The following CNIH3 variants were observed in gnomAD, a reference collection of about 807,000 sequenced individuals.
CNIH3 encodes cornichon family AMPA receptor auxiliary protein 3, also known as protein cornichon homolog 3.
CNIH3 carries 14 observed loss-of-function variants against 24.1 expected under a neutral mutation model. That is an observed-to-expected ratio of 0.58 (90% CI 0.38 to 0.91). The LOEUF is 0.91. Ranked by LOEUF, CNIH3 falls within the 40% of genes least tolerant of loss-of-function variation. The pLI is 0.00. For missense variants in CNIH3, 178 were observed against 196.8 expected, an observed-to-expected ratio of 0.90 and a Z score of 0.57; for synonymous variants, 68 against 73.8, an observed-to-expected ratio of 0.92 and a Z score of 0.40.
intron 2 of CNIH3, among the ~76,000 whole-genome samples, chr1:224,545,988 G>A (rs552434757): frequency 6.6e-6 from 1 of 152,220 alleles, no homozygotes; most frequent in South Asian, 2.1e-4. Flanking sequence ...GTTTCTCTGT[G>A]TGTTTGTGTC....
chr1:224,651,908 A>T (rs1684876152), intron 1 of CNIH3, among the ~76,000 whole-genome samples: 1 of 152,148 alleles, frequency 6.6e-6, no homozygotes, highest in South Asian at 2.1e-4. Context: ...TGCTTTCCAA[A>T]GGCTTTATCA....
chr1:224,669,236 C>G (rs936761247), intron 1 of CNIH3, among the ~76,000 whole-genome samples: 1 of 152,092 alleles, frequency 6.6e-6, no homozygotes, highest in Admixed American at 6.5e-5. Context: ...GTCTTTGTTT[C>G]CTGTTAACTA....
intron 2 of CNIH3, among the ~76,000 whole-genome samples, chr1:224,535,072 C>A (rs1356629907): frequency 6.6e-6 from 1 of 152,152 alleles, no homozygotes; most frequent in Non-Finnish European, 1.5e-5. Flanking sequence ...AAGTCCTAAC[C>A]CCCAGCAACT....
At position 224,462,637 on chromosome 1, in the gene CNIH3, AT is replaced by A. The variant is rs34550181; in HGVS notation, n.203+27796del. Among the ~76,000 whole-genome samples the A allele has an allele frequency of 5.8e-3, 690 of 119,356 alleles. 6 individuals carry two copies. The highest frequency in any genetic ancestry group is 0.019 in the African/African-American group (627 of 32,264). The allele number at this position is 119,356 out of a possible 152,430, so 78.3% of individuals were successfully genotyped here. Reference sequence around the variant, plus strand: ...GTGTGAACCACTAGGTCTGGACCCAATTTTTTTTTTTTTTTTTTTTTGAGAT... The same window carrying A: ...GTGTGAACCACTAGGTCTGGACCCAATTTTTTTTTTTTTTTTTTTTGAGAT... On this transcript the variant is annotated intron_variant and non_coding_transcript_variant, in intron 1 of 5. Transcript: ENST00000471578.
At chr1:224,614,677 G>A (rs1161774431), upstream of CNIH3, among the ~76,000 whole-genome samples, 3 of 151,760 alleles carry the variant, frequency 2.0e-5, no homozygotes, top group African/African-American at 7.3e-5. Context: ...GGCCTGGAGC[G>A]GTGGCTCACG....
At chr1:224,696,107 A>G (rs1320732977) in intron 3 of CNIH3, among the ~76,000 whole-genome samples, 2 of 152,080 alleles carry the variant, frequency 1.3e-5, no homozygotes, top group African/African-American at 2.4e-5. Flanking sequence ...CCAGGCTGGA[A>G]TGGGGTGGGT....
Position 224,684,902 on chromosome 1 carries a change from A to G in CNIH3, c.198+59A>G. On this transcript the variant is annotated intron_variant, in intron 3 of 5. Transcript: ENST00000272133. This position sits in a 1 kb window ranked among gnomAD's most constrained non-coding sequence, Gnocchi z 4.2. Reference sequence around the variant, plus strand: ...ATCGCATGGTGGTGGGTGGGCACACAGTGAAAGAGGCTAGTGAGGCTCTGC... The same window carrying G: ...ATCGCATGGTGGTGGGTGGGCACACGGTGAAAGAGGCTAGTGAGGCTCTGC... The G allele has an allele frequency of 6.6e-7, 1 of 1,512,864 alleles. No homozygotes were observed. The highest frequency in any genetic ancestry group is 9.2e-7 in the Non-Finnish European group (1 of 1,087,868). 93.7% of individuals were successfully genotyped at this position (1,512,864 alleles called of 1,614,324 possible).
At chr1:224,469,781 G>A (rs1287626234) in intron 1 of CNIH3, among the ~76,000 whole-genome samples, 2 of 152,132 alleles carry the variant, frequency 1.3e-5, no homozygotes, top group Non-Finnish European at 2.9e-5. Context: ...TATTTTACCT[G>A]TGTGGTAACC....
chr1:224,722,926 C>T (rs764708782), intron 3 of CNIH3, among the ~76,000 whole-genome samples: 9 of 152,166 alleles, frequency 5.9e-5, no homozygotes, highest in African/African-American at 1.2e-4. Context: ...GTTGTGCATA[C>T]GTGCTTTTCC....
At chr1:224,665,936 T>G (rs1685580260) in intron 1 of CNIH3, among the ~76,000 whole-genome samples, 1 of 152,058 alleles carries the variant, frequency 6.6e-6, no homozygotes, top group South Asian at 2.1e-4. Context: ...ATTTAACCAG[T>G]CAGGTGACTC....
intron 1 of CNIH3, among the ~76,000 whole-genome samples, chr1:224,498,002 G>A (rs1677503275): frequency 6.6e-6 from 1 of 152,164 alleles, no homozygotes; most frequent in Non-Finnish European, 1.5e-5. Flanking sequence ...TATCTTACAG[G>A]AAGACCAGAA....
rs140495065 is a variant in CNIH3 at position 224,658,144 on chromosome 1, G to T, written c.82-22814G>T. Among the ~76,000 whole-genome samples, 883 of 152,160 alleles carry T rather than the reference G, an allele frequency of 5.8e-3. 8 individuals are homozygous for T. Among genetic ancestry groups the T allele is most frequent in the African/African-American group, 0.02 (821 of 41,504 alleles). ...CTAATAGCTAAAAAATTAGTTTGTG[G>T]TCAAAAAGACTGAATGTATGTATTT... On this transcript the variant is annotated intron_variant, in intron 1 of 5. Coordinates refer to ENST00000272133, the MANE Select transcript of CNIH3 (RefSeq NM_152495.2).
At chr1:224,485,116 A>G (rs1676976927) in intron 1 of CNIH3, among the ~76,000 whole-genome samples, 1 of 152,124 alleles carries the variant, frequency 6.6e-6, no homozygotes, top group Admixed American at 6.5e-5. Flanking sequence ...GATGTAGTTG[A>G]GTTTATTGGA....
At chr1:224,509,773 C>A (rs1404352296) in intron 1 of CNIH3, among the ~76,000 whole-genome samples, 2 of 152,230 alleles carry the variant, frequency 1.3e-5, no homozygotes, top group Non-Finnish European at 2.9e-5. Flanking sequence ...ACCTCTGTGC[C>A]CCCCTCGCCT....
At chr1:224,545,704 T>C (rs981246002) in intron 2 of CNIH3, among the ~76,000 whole-genome samples, 24 of 152,212 alleles carry the variant, frequency 1.6e-4, no homozygotes, top group African/African-American at 5.8e-4. Flanking sequence ...GGTCAGGGAC[T>C]TGTGGCCTTG....
At chr1:224,526,301 G>A (rs1678843887) in intron 2 of CNIH3, among the ~76,000 whole-genome samples, 1 of 152,140 alleles carries the variant, frequency 6.6e-6, no homozygotes, top group Admixed American at 6.5e-5. Context: ...AAGAAGTTAG[G>A]TCTTTTGGGA....
chr1:224,509,761 G>C (rs1678064542), intron 1 of CNIH3, among the ~76,000 whole-genome samples: 1 of 152,224 alleles, frequency 6.6e-6, no homozygotes, highest in Non-Finnish European at 1.5e-5. Flanking sequence ...TCAGTCTCTG[G>C]CACCTCTGTG....
At chr1:224,708,223 C>A (rs1477576921) in intron 3 of CNIH3, among the ~76,000 whole-genome samples, 1 of 152,066 alleles carries the variant, frequency 6.6e-6, no homozygotes, top group Admixed American at 6.5e-5. Flanking sequence ...TCCTCCTCTC[C>A]CATCTCAGGG....
At chr1:224,690,017 G>T (rs896587751) in intron 3 of CNIH3, among the ~76,000 whole-genome samples, 1 of 152,102 alleles carries the variant, frequency 6.6e-6, no homozygotes, top group Non-Finnish European at 1.5e-5. Flanking sequence ...GGTTCTCGTG[G>T]GGAGGAGGCT....
Sources: gnomAD v4.1 joint callset for allele counts (sites outside exome capture counted in the v4.1 genomes callset) on GRCh38, gnomAD v4.1.1 for gene constraint, Gnocchi (gnomAD v3.1) non-coding constraint, MANE v1.5 for transcripts, NCBI Gene and HGNC (gene_info 2026-07-23, HGNC 2026-07-21) for gene names.